ARHGAP39: variants seen among roughly 807,000 people sequenced by gnomAD.
ARHGAP39 encodes the protein rho GTPase-activating protein 39.
A neutral mutation model predicts 106.9 loss-of-function variants in ARHGAP39; 44 were observed. That is an observed-to-expected ratio of 0.41 (90% CI 0.32 to 0.53). ARHGAP39 has a LOEUF of 0.53. ARHGAP39 is among the 20% of genes least tolerant of loss of function. The pLI is 0.21. For synonymous variants in ARHGAP39, 768 were observed against 693.2 expected (o/e 1.11, Z -1.69); for missense variants, 1,496 against 1,577.3 (o/e 0.95, Z 0.87).
intron 4 of ARHGAP39, among the ~76,000 whole-genome samples, chr8:144,550,229 C>T (rs1298787080): frequency 5.3e-5 from 8 of 152,032 alleles, no homozygotes; most frequent in Non-Finnish European, 8.8e-5. Context: ...GAGCCATGAT[C>T]GCACCACTGC....
In ARHGAP39 at chr8:144,530,313, G is replaced by A. The variant is rs1034194018; in HGVS notation, c.*109C>T. The A allele has an allele frequency of 9.5e-5, 117 of 1,229,518 alleles. No homozygotes were observed. Among genetic ancestry groups the A allele is most frequent in the Admixed American group, 1.2e-4 (5 of 42,980 alleles). 76.2% of individuals were successfully genotyped at this position (1,229,518 alleles called of 1,614,324 possible). ...GCCAGGGGCCTGGGGGAGTGGAGGG[G>A]GCTCCAGGGCTGGGCCGGGCGATTC... On this transcript the variant is annotated 3_prime_UTR_variant, in exon 12 of 12. Transcript: ENST00000377307.
intron 3 of ARHGAP39, among the ~76,000 whole-genome samples, chr8:144,556,955 T>G (rs77565147): frequency 2.8e-5 from 4 of 140,794 alleles, no homozygotes; most frequent in Non-Finnish European, 5.9e-5. Flanking sequence ...TGAACCTTCA[T>G]AGTATTCAGT....
chr8:144,660,129 A>G (rs1429955565), intron 1 of ARHGAP39, among the ~76,000 whole-genome samples: 2 of 152,134 alleles, frequency 1.3e-5, no homozygotes, highest in East Asian at 1.9e-4. Context: ...CCCCTGGGTC[A>G]AAGGTGTGGA....
intron 1 of ARHGAP39, among the ~76,000 whole-genome samples, chr8:144,624,030 G>C (rs1452604943): frequency 6.6e-6 from 1 of 152,238 alleles, no homozygotes; most frequent in African/African-American, 2.4e-5. Context: ...TGACGGAGCA[G>C]CCTCGTGCTG....
upstream of ARHGAP39, among the ~76,000 whole-genome samples, chr8:144,690,811 A>AT (rs113293471): frequency 0.04 from 4,617 of 116,256 alleles, 87 homozygotes; most frequent in African/African-American, 0.055. Flanking sequence ...CACCCAGCTG[A>AT]TTTTTTTTTT....
intron 10 of ARHGAP39, among the ~76,000 whole-genome samples, chr8:144,531,448 G>A (rs1389442037): frequency 6.7e-3 from 27 of 4,032 alleles, no homozygotes; most frequent in Middle Eastern, 0.14. Flanking sequence ...TGGGGAGTGG[G>A]CTAGACATAG....
chr8:144,682,548 CAA>C (rs1041779842), intron 1 of ARHGAP39, among the ~76,000 whole-genome samples: 4,653 of 70,028 alleles, frequency 0.066, 225 homozygotes, highest in African/African-American at 0.18. Context: ...GACTCTGTCT[CAA>C]AAAAAAAAAA....
upstream of ARHGAP39, among the ~76,000 whole-genome samples, chr8:144,688,305 G>A (rs1160984710): frequency 3.3e-5 from 5 of 152,052 alleles, no homozygotes; most frequent in South Asian, 4.1e-4. Context: ...GGGTTTCACC[G>A]TGTTGGCCAG....
At chr8:144,669,639 TA>T (rs1367505695) in intron 1 of ARHGAP39, among the ~76,000 whole-genome samples, 1 of 152,030 alleles carries the variant, frequency 6.6e-6, no homozygotes, top group Non-Finnish European at 1.5e-5. Context: ...CCGGCACTTG[TA>T]TACAGAATAT....
chr8:144,562,348 T>TCCAGTGGTTTCCATCGGACC (rs1818216674), intron 3 of ARHGAP39, among the ~76,000 whole-genome samples: 2 of 147,718 alleles, frequency 1.4e-5, no homozygotes, highest in Non-Finnish European at 3.0e-5. Context: ...TCCATCACGC[T>TCCAGTGGTTTCCATCGGACC]CCAGTGGTTT....
intron 1 of ARHGAP39, among the ~76,000 whole-genome samples, chr8:144,654,162 T>G (rs1339620286): frequency 6.6e-6 from 1 of 152,038 alleles, no homozygotes; most frequent in East Asian, 1.9e-4. Context: ...TTACCCAAAA[T>G]AAAGGGAGAA....
chr8:144,548,052 G>C lies in ARHGAP39; in HGVS notation c.1034C>G (p.Pro345Arg). The C allele has an allele frequency of 6.2e-7, 1 of 1,600,632 alleles. No homozygotes were observed. Among genetic ancestry groups the C allele is most frequent in the Non-Finnish European group, 8.5e-7 (1 of 1,174,564 alleles). The change falls in exon 5 of 12, where the codon CCC becomes CGC. Residue 345 changes from proline (P) to arginine (R), a missense_variant. Pro to Arg is a moderately radical substitution (Grantham distance 103). Coordinates refer to ENST00000377307, the MANE Select transcript of ARHGAP39 (RefSeq NM_025251.3). The surrounding 1 kb of genome is among the most constrained non-coding windows in gnomAD (Gnocchi z 7.4). ...GGGCTTACGGCCCGGCGACCGCTGG[G>C]GAGAGCCGGCCTGGTAGCCCCCGCC... ...EAGGGYQAGS[P>R]QRSPGRKPRP...
At chr8:144,626,587 T>A (rs2976598) in intron 1 of ARHGAP39, among the ~76,000 whole-genome samples, 1 of 108,042 alleles carries the variant, frequency 9.3e-6, no homozygotes, top group South Asian at 3.0e-4. Flanking sequence ...CACTGCGGCA[T>A]CCCCTGTCCC....
At chr8:144,628,839 C>T (rs1197052086) in intron 1 of ARHGAP39, among the ~76,000 whole-genome samples, 1 of 152,260 alleles carries the variant, frequency 6.6e-6, no homozygotes, top group East Asian at 1.9e-4. Flanking sequence ...CCCACCCTGT[C>T]ACCGCTGTGC....
intron 10 of ARHGAP39, 32 bp from the exon 11 acceptor site, chr8:144,530,903 G>C: frequency 1.9e-6 from 3 of 1,585,018 alleles, no homozygotes; most frequent in Non-Finnish European, 1.7e-6. Context: ...CAGCGGCCCT[G>C]CTCGGCGGGC....
At chr8:144,638,237 T>G (rs1477449036) in intron 1 of ARHGAP39, among the ~76,000 whole-genome samples, 1 of 152,258 alleles carries the variant, frequency 6.6e-6, no homozygotes, top group Admixed American at 6.5e-5. Context: ...CTGCTGGCAC[T>G]GCCCTGGATG....
intron 1 of ARHGAP39, among the ~76,000 whole-genome samples, chr8:144,665,219 G>A: frequency 6.6e-6 from 1 of 152,200 alleles, no homozygotes; most frequent in Non-Finnish European, 1.5e-5. Flanking sequence ...TAGGGTATCT[G>A]GCAGAAGAAA....
At chr8:144,541,103 C>A (rs893950688) in intron 6 of ARHGAP39, among the ~76,000 whole-genome samples, 2 of 152,162 alleles carry the variant, frequency 1.3e-5, no homozygotes, top group African/African-American at 4.8e-5. Context: ...CACCGGCCTC[C>A]GCCTCCCAAA....
At chr8:144,673,644 G>T (rs1822158430) in intron 1 of ARHGAP39, among the ~76,000 whole-genome samples, 1 of 152,202 alleles carries the variant, frequency 6.6e-6, no homozygotes, top group Non-Finnish European at 1.5e-5. Flanking sequence ...TCCTTGGGGT[G>T]TCGCTTCACC....
Sources: gnomAD v4.1 joint callset for allele counts (sites outside exome capture counted in the v4.1 genomes callset) on GRCh38, gnomAD v4.1.1 for gene constraint, Gnocchi (gnomAD v3.1) non-coding constraint, MANE v1.5 for transcripts, NCBI Gene and HGNC (gene_info 2026-07-23, HGNC 2026-07-21) for gene names.